MYO3B: variants seen among roughly 807,000 people sequenced by gnomAD.
MYO3B encodes myosin IIIB.
Under a neutral mutation model 174.6 loss-of-function variants are expected in MYO3B, and 156 were observed. The ratio of observed to expected loss-of-function variants is 0.89; its 90% CI spans 0.78 to 1.02. MYO3B has a LOEUF of 1.02. MYO3B is among the 50% of genes least tolerant of loss of function. The pLI, the probability that MYO3B is intolerant of heterozygous loss-of-function variation, is 0.00. For synonymous variants in MYO3B, 563 were observed against 569.1 expected (o/e 0.99, Z 0.15); for missense variants, 1,632 against 1,639.4 (o/e 1.00, Z 0.08).
At chr2:170,314,367 T>A (rs971656888) in intron 7 of MYO3B, among the ~76,000 whole-genome samples, 1 of 152,214 alleles carries the variant, frequency 6.6e-6, no homozygotes, top group Non-Finnish European at 1.5e-5. Flanking sequence ...TTCATCTCAA[T>A]GAAGTGTGTG....
Position 170,199,325 on chromosome 2 carries a change from AG to A in MYO3B, c.121del (p.Val41SerfsTer4). On this transcript the variant is annotated frameshift_variant, in exon 2 of 35. Coordinates refer to ENST00000408978, the MANE Select transcript of MYO3B (RefSeq NM_138995.5). LOFTEE classifies it high-confidence loss of function. ...ETIGKGTYGK[V>X]YKVTNKRDGS... ...CCATTGGTAAAGGCACCTATGGCAA[AG>A]TCTACAAGGTAACTAACAAGAGAGA... 23 of 1,613,600 alleles carry A rather than the reference AG, an allele frequency of 1.4e-5. No individual in the cohort carries two copies. The highest frequency in any genetic ancestry group is 1.9e-5 in the Non-Finnish European group (23 of 1,179,692).
intron 32 of MYO3B, among the ~76,000 whole-genome samples, chr2:170,613,789 C>A (rs1695271393): frequency 6.6e-6 from 1 of 152,118 alleles, no homozygotes; most frequent in Admixed American, 6.5e-5. Flanking sequence ...ACAAGACGAG[C>A]CTCCCAGCCC....
Position 170,467,028 on chromosome 2 carries a change from G to A in MYO3B, c.3014+317G>A, listed in dbSNP as rs148744288. Among the ~76,000 whole-genome samples, 83 of 152,206 alleles carry A rather than the reference G, an allele frequency of 5.5e-4. 2 individuals carry two copies. The East Asian group carries it at 0.012, about 22-fold the overall frequency. On this transcript the variant is annotated intron_variant, in intron 25 of 34. Coordinates refer to ENST00000408978, the MANE Select transcript of MYO3B (RefSeq NM_138995.5). ...GAAAGTATCCCTCCATAAGTGGGCC[G>A]GATTTGAATGCACCCAAGCACCAGT... is the stretch of plus-strand genomic sequence containing the variant.
intron 8 of MYO3B, among the ~76,000 whole-genome samples, chr2:170,351,322 G>A (rs1206811427): frequency 6.6e-6 from 1 of 152,090 alleles, no homozygotes; most frequent in East Asian, 1.9e-4. Context: ...AAAAAGAATG[G>A]GGTAGGGGAG....
intron 32 of MYO3B, among the ~76,000 whole-genome samples, chr2:170,580,905 A>C (rs1693104744): frequency 6.6e-6 from 1 of 152,070 alleles, no homozygotes; most frequent in Non-Finnish European, 1.5e-5. Flanking sequence ...CATGACTACA[A>C]CACAATATTC....
chr2:170,392,438 C>A lies in MYO3B; in HGVS notation c.1734C>A (p.Tyr578Ter). Residue 578 changes from tyrosine (Y) to a stop codon, truncating the protein, a stop_gained, in exon 16 of 35, where the codon TAC (tyrosine) becomes TAA (stop). Coordinates refer to ENST00000408978, the MANE Select transcript of MYO3B (RefSeq NM_138995.5). LOFTEE classifies it high-confidence loss of function. ...VMHDITSKES[Y>*]RRQFEAIQHC... Reference sequence around the variant, plus strand: ...ACGACATAACTTCCAAGGAGTCTTACAGAAGACAATTCGAAGCAATTCAGC... The same window carrying A: ...ACGACATAACTTCCAAGGAGTCTTAAAGAAGACAATTCGAAGCAATTCAGC... The A allele has an allele frequency of 3.8e-6, 6 of 1,600,000 alleles. No homozygotes were observed. The highest frequency in any genetic ancestry group is 5.1e-6 in the Non-Finnish European group (6 of 1,171,438).
chr2:170,547,815 C>T (rs564332448), intron 32 of MYO3B, among the ~76,000 whole-genome samples: 1 of 152,136 alleles, frequency 6.6e-6, no homozygotes, highest in South Asian at 2.1e-4. Flanking sequence ...ACAAGTAAGT[C>T]AATTATGTGG....
chr2:170,505,931 CTT>C (rs1241588335), intron 28 of MYO3B, among the ~76,000 whole-genome samples: 2 of 152,242 alleles, frequency 1.3e-5, no homozygotes, highest in Non-Finnish European at 2.9e-5. Flanking sequence ...GTTATTTTCT[CTT>C]TCTCTCTGTT....
chr2:170,244,782 T>C (rs1304127927), intron 7 of MYO3B, among the ~76,000 whole-genome samples: 1 of 152,204 alleles, frequency 6.6e-6, no homozygotes, highest in Non-Finnish European at 1.5e-5. Flanking sequence ...AATTTCCTTA[T>C]TTGGTGTTAA....
chr2:170,470,764 A>G (rs1456104067), intron 25 of MYO3B, among the ~76,000 whole-genome samples: 2 of 152,060 alleles, frequency 1.3e-5, no homozygotes, highest in African/African-American at 4.8e-5. Flanking sequence ...TATTTTAGTC[A>G]TTCTAGTTGA....
At chr2:170,492,560 A>G (rs1686562442) in intron 25 of MYO3B, among the ~76,000 whole-genome samples, 1 of 152,230 alleles carries the variant, frequency 6.6e-6, no homozygotes, top group African/African-American at 2.4e-5. Flanking sequence ...TCAGGAACAC[A>G]CAAAGATTCC....
At chr2:170,230,188 G>A (rs1194385467) in intron 6 of MYO3B, among the ~76,000 whole-genome samples, 6 of 132,130 alleles carry the variant, frequency 4.5e-5, no homozygotes, top group South Asian at 4.7e-4. Context: ...TTTTTTTTTC[G>A]AGACAGAGTC....
At chr2:170,529,923 A>G (rs992114821) in intron 30 of MYO3B, among the ~76,000 whole-genome samples, 3 of 152,208 alleles carry the variant, frequency 2.0e-5, no homozygotes, top group African/African-American at 7.2e-5. Flanking sequence ...AGGAAAACAT[A>G]ATGGTGTTTC....
At chr2:170,491,936 C>T (rs1313893670) in intron 25 of MYO3B, among the ~76,000 whole-genome samples, 1 of 152,234 alleles carries the variant, frequency 6.6e-6, no homozygotes, top group Non-Finnish European at 1.5e-5. Context: ...TGCCTGCAAT[C>T]CCAGCTACTC....
intron 32 of MYO3B, among the ~76,000 whole-genome samples, chr2:170,643,188 C>G (rs1698112534): frequency 6.6e-6 from 1 of 152,206 alleles, no homozygotes; most frequent in South Asian, 2.1e-4. Context: ...CTCTTAGTCT[C>G]ACTATGCCTC....
chr2:170,627,963 G>A (rs568504802), intron 32 of MYO3B, among the ~76,000 whole-genome samples: 3 of 152,146 alleles, frequency 2.0e-5, no homozygotes, highest in Non-Finnish European at 2.9e-5. Flanking sequence ...TGCCCCTACT[G>A]GGGGGTGCCT....
intron 8 of MYO3B, among the ~76,000 whole-genome samples, chr2:170,364,573 C>T (rs1354198324): frequency 6.6e-6 from 1 of 152,150 alleles, no homozygotes; most frequent in Non-Finnish European, 1.5e-5. Flanking sequence ...ATTTGCAATT[C>T]CTGGTTTAAT....
intron 28 of MYO3B, among the ~76,000 whole-genome samples, chr2:170,502,673 C>T (rs1284064262): frequency 6.6e-6 from 1 of 152,184 alleles, no homozygotes; most frequent in East Asian, 1.9e-4. Flanking sequence ...CTGGAAGAAA[C>T]AGGCCCCTGA....
chr2:170,626,179 G>A (rs1696408421), intron 32 of MYO3B, among the ~76,000 whole-genome samples: 1 of 152,086 alleles, frequency 6.6e-6, no homozygotes. Flanking sequence ...TTATTATTGT[G>A]TGGGAGTCTA....
Sources: gnomAD v4.1 joint callset for allele counts (sites outside exome capture counted in the v4.1 genomes callset) on GRCh38, gnomAD v4.1.1 for gene constraint, MANE v1.5 for transcripts, NCBI Gene and HGNC (gene_info 2026-07-23, HGNC 2026-07-21) for gene names.